The following RAD51AP2 variants were observed in gnomAD, a reference collection of about 807,000 sequenced individuals.
The protein encoded by RAD51AP2 is RAD51 associated protein 2.
Under a neutral mutation model 85.5 loss-of-function variants are expected in RAD51AP2, and 67 were observed. The ratio of observed to expected loss-of-function variants is 0.78; its 90% CI spans 0.64 to 0.96. RAD51AP2 has a LOEUF of 0.96. RAD51AP2 is among the 40% of genes least tolerant of loss of function. The pLI, the probability that RAD51AP2 is intolerant of heterozygous loss-of-function variation, is 0.00. For synonymous variants in RAD51AP2, 474 were observed against 446.5 expected, an observed-to-expected ratio of 1.06 and a Z score of -0.78; for missense variants, 1,307 against 1,332.4, an observed-to-expected ratio of 0.98 and a Z score of 0.30.
the RAD51AP2 span, among the ~76,000 whole-genome samples, chr2:17,526,762 C>CTACAAGAAAGGCA: frequency 2.0e-5 from 3 of 152,108 alleles, no homozygotes. Flanking sequence ...CCTAAACCCT[C>CTACAAGAAAGGCA]TACAAGAAAG....
the RAD51AP2 span, among the ~76,000 whole-genome samples, chr2:17,524,017 C>CAA: frequency 6.6e-6 from 1 of 152,024 alleles, no homozygotes; most frequent in African/African-American, 2.4e-5. Context: ...AATATTTTGA[C>CAA]ATGTAAGATT....
chr2:17,536,349 T>G, the RAD51AP2 span, among the ~76,000 whole-genome samples: 2 of 152,166 alleles, frequency 1.3e-5, no homozygotes, highest in African/African-American at 2.4e-5. Context: ...TACAAAGTCA[T>G]GAATGAAAAG....
intron 1 of RAD51AP2, 100 bp from the exon 2 acceptor site, chr2:17,514,192 G>A (rs971421114): frequency 2.1e-5 from 16 of 767,854 alleles, no homozygotes; most frequent in Non-Finnish European, 3.0e-5. Flanking sequence ...CCTTCAGTTG[G>A]CTCCTAATAT....
the RAD51AP2 span, among the ~76,000 whole-genome samples, chr2:17,532,907 G>A: frequency 1.3e-5 from 2 of 152,062 alleles, no homozygotes; most frequent in African/African-American, 2.4e-5. Context: ...AATACACATC[G>A]TCATTTTAAT....
upstream of RAD51AP2, among the ~76,000 whole-genome samples, chr2:17,519,978 T>C (rs1335729766): frequency 6.6e-6 from 1 of 152,190 alleles, no homozygotes; most frequent in Non-Finnish European, 1.5e-5. Context: ...TCTAGATTGA[T>C]CTGTAACTTG....
chr2:17,520,989 T>C (rs1662844568), upstream of RAD51AP2, among the ~76,000 whole-genome samples: 1 of 152,108 alleles, frequency 6.6e-6, no homozygotes, highest in African/African-American at 2.4e-5. Flanking sequence ...CCTATAGCAA[T>C]TTATTTCTAA....
At chr2:17,531,333 T>C in the RAD51AP2 span, among the ~76,000 whole-genome samples, 1 of 152,156 alleles carries the variant, frequency 6.6e-6, no homozygotes, top group African/African-American at 2.4e-5. Flanking sequence ...CTTATGAATA[T>C]TAAGATATAT....
upstream of RAD51AP2, among the ~76,000 whole-genome samples, chr2:17,522,913 T>G (rs1284776077): frequency 6.6e-6 from 1 of 151,962 alleles, no homozygotes; most frequent in Admixed American, 6.6e-5. Context: ...ATATTGACAT[T>G]AAATAAAAAA....
the RAD51AP2 span, among the ~76,000 whole-genome samples, chr2:17,532,607 T>C: frequency 6.6e-6 from 1 of 152,206 alleles, no homozygotes; most frequent in Non-Finnish European, 1.5e-5. Flanking sequence ...CCTGTTTCTT[T>C]AGACCCTTTT....
upstream of RAD51AP2, among the ~76,000 whole-genome samples, chr2:17,522,687 T>A (rs183837250): frequency 3.0e-3 from 452 of 152,080 alleles, 1 homozygote; most frequent in Non-Finnish European, 4.7e-3. Flanking sequence ...ACACCTTTTT[T>A]AAAAACAATT....
In RAD51AP2 at chr2:17,518,009, C is replaced by T; in HGVS notation, c.407G>A (p.Gly136Asp). The T allele has an allele frequency of 6.2e-7, 1 of 1,614,146 alleles. No homozygotes were observed. Among genetic ancestry groups the T allele is most frequent in the Non-Finnish European group, 8.5e-7 (1 of 1,180,002 alleles). Residue 136 changes from glycine to aspartate, a missense_variant, in exon 1 of 3, where the codon GGC (glycine) becomes GAC (aspartate). Gly to Asp is a moderately conservative substitution (Grantham distance 94, BLOSUM62 -1). Around this residue, in one of 3 missense-constraint regions of RAD51AP2, gnomAD observed 635 missense variants for 643.6 expected, o/e 0.99. Coordinates refer to ENST00000399080, the MANE Select transcript of RAD51AP2 (RefSeq NM_001099218.3). ...DLRASGRSEAGLHDREAFSVH... is the reference protein window; with the variant it reads ...DLRASGRSEADLHDREAFSVH... ...ACTGAAAGCCTCTCTGTCATGCAGG[C>T]CTGCCTCAGACCTTCCTGAAGCCCT... is the stretch of plus-strand genomic sequence containing the variant.
the RAD51AP2 span, among the ~76,000 whole-genome samples, chr2:17,524,752 T>C: frequency 6.6e-6 from 1 of 151,932 alleles, no homozygotes. Context: ...TACCATATGA[T>C]AGACATTTTT....
In RAD51AP2 at chr2:17,510,918, C is replaced by A; in HGVS notation, c.3366G>T (p.Pro1122=). Residue 1122 remains proline (P), a synonymous_variant, in exon 3 of 3, where the codon CCG becomes CCT. Transcript: ENST00000399080. ...HFPHGISRVR[P]LKTCSRPIRI... ...TGATTGGCCTACTGCATGTCTTAAGCGGTCGTACTCTTGAAATGCCATGTG... is the reference window on the plus strand; with the variant it reads ...TGATTGGCCTACTGCATGTCTTAAGAGGTCGTACTCTTGAAATGCCATGTG... 1 of 1,602,820 alleles carries A rather than the reference C, an allele frequency of 6.2e-7. No homozygotes were observed. The highest frequency in any genetic ancestry group is 1.1e-5 in the South Asian group (1 of 88,272).
Position 17,518,184 on chromosome 2 carries a change from T to C in RAD51AP2, c.232A>G (p.Thr78Ala). The C allele has an allele frequency of 6.2e-7, 1 of 1,614,148 alleles. No individual in the cohort carries two copies. The highest frequency in any genetic ancestry group is 2.2e-5 in the East Asian group (1 of 44,878). Residue 78 changes from threonine (T) to alanine (A), a missense_variant, in exon 1 of 3, where the codon ACG (threonine) becomes GCG (alanine). By Grantham distance (58) the Thr-to-Ala change is moderately conservative (BLOSUM62 0). Around this residue, in one of 3 missense-constraint regions of RAD51AP2, gnomAD observed 635 missense variants for 643.6 expected, o/e 0.99. Coordinates refer to ENST00000399080, the MANE Select transcript of RAD51AP2 (RefSeq NM_001099218.3). ...PRPFKGLLVS[T>A]NAIFDNSTDS... Reference sequence around the variant, plus strand: ...GTGGAGTTATCGAAAATAGCATTCGTTGAAACAAGGAGTCCCTTGAAGGGT... The same window carrying C: ...GTGGAGTTATCGAAAATAGCATTCGCTGAAACAAGGAGTCCCTTGAAGGGT...
chr2:17,537,018 G>C, the RAD51AP2 span, among the ~76,000 whole-genome samples: 3 of 152,148 alleles, frequency 2.0e-5, no homozygotes, highest in Admixed American at 2.0e-4. Context: ...TTTAAAAAAA[G>C]ATTTAAAAAG....
the RAD51AP2 span, among the ~76,000 whole-genome samples, chr2:17,529,564 T>C: frequency 1.3e-5 from 2 of 152,296 alleles, no homozygotes; most frequent in African/African-American, 4.8e-5. Context: ...TTCTGAATGA[T>C]ACAAAGTAAA....
At chr2:17,537,558 G>A in the RAD51AP2 span, among the ~76,000 whole-genome samples, 1 of 151,896 alleles carries the variant, frequency 6.6e-6, no homozygotes, top group Non-Finnish European at 1.5e-5. Context: ...ATATCCCCAT[G>A]CCTTAAGTTC....
In RAD51AP2 at chr2:17,517,892, C is replaced by T; in HGVS notation, c.524G>A (p.Arg175Gln). The T allele has an allele frequency of 6.2e-7, 1 of 1,614,104 alleles. No homozygotes were observed. ...TCTTCCTTGGACAAACTGTTGTTTT[C>T]GATTCTCATTTCTAATTCCATGTAT... ...HDIHGIRNENRKQQFVQGRDN... is the reference protein window; with the variant it reads ...HDIHGIRNENQKQQFVQGRDN... Residue 175 changes from arginine (R) to glutamine (Q), a missense_variant, in exon 1 of 3, where the codon CGA becomes CAA. By Grantham distance (43) the Arg-to-Gln change is conservative. Coordinates refer to ENST00000399080, the MANE Select transcript of RAD51AP2 (RefSeq NM_001099218.3).
At chr2:17,528,214 AT>A in the RAD51AP2 span, among the ~76,000 whole-genome samples, 1 of 152,092 alleles carries the variant, frequency 6.6e-6, no homozygotes, top group Non-Finnish European at 1.5e-5. Context: ...AGGTGGCAAA[AT>A]TTTTACTCAG....
Sources: allele counts gnomAD v4.1 joint callset (sites outside exome capture counted in the v4.1 genomes callset), GRCh38; gene constraint gnomAD v4.1.1; regional missense constraint gnomAD v4.1.1; transcripts MANE v1.5; gene names NCBI Gene and HGNC (gene_info 2026-07-23, HGNC 2026-07-21).